Variants in N4BP1 observed in about 807,000 individuals in gnomAD.
The protein encoded by N4BP1 is NEDD4-binding protein 1.
Under a neutral mutation model 70.9 loss-of-function variants are expected in N4BP1, and 21 were observed. The ratio of observed to expected loss-of-function variants is 0.30; its 90% CI spans 0.21 to 0.43. The LOEUF is 0.43. N4BP1 is among the 20% of genes least tolerant of loss of function. N4BP1 has a pLI of 1.00. For synonymous variants in N4BP1, 387 were observed against 394.6 expected (o/e 0.98, Z 0.23); for missense variants, 936 against 1,069.4 (o/e 0.88, Z 1.74).
chr16:48,607,340 C>T (rs1331000553), intron 1 of N4BP1, among the ~76,000 whole-genome samples: 6 of 152,192 alleles, frequency 3.9e-5, no homozygotes, highest in Non-Finnish European at 5.9e-5. Context: ...GGAGGCAGAA[C>T]GCACAGCAAA....
rs75483114 is a variant in N4BP1, at chr16:48,546,040, A to C, written c.2333+107T>G. 6 of 693,006 alleles carry C rather than the reference A, an allele frequency of 8.7e-6. 1 individual carries two copies. The Middle Eastern group carries it at 1.6e-3, about 181-fold the overall frequency. The allele number at this position is 693,006 out of a possible 1,614,324, so 42.9% of individuals were successfully genotyped here. ...AAGACCTTGTCTCAAAAAAAAAAAAAATAATTTTTTTAATGTCATTTTTAG... is the reference window on the plus strand; with the variant it reads ...AAGACCTTGTCTCAAAAAAAAAAAACATAATTTTTTTAATGTCATTTTTAG... On this transcript the variant is annotated intron_variant, in intron 6 of 6. Transcript: ENST00000262384.
chr16:48,543,364 CG>C (rs1341522178), intron 6 of N4BP1, 103 bp from the exon 7 acceptor site: 1 of 943,924 alleles, frequency 1.1e-6, no homozygotes, highest in African/African-American at 1.7e-5. Flanking sequence ...CTCAGGATGC[CG>C]CTCCCTGGCT....
At chr16:48,582,887 C>T (rs947719559) in intron 1 of N4BP1, among the ~76,000 whole-genome samples, 3 of 152,078 alleles carry the variant, frequency 2.0e-5, no homozygotes. Flanking sequence ...AATTTGAGAA[C>T]AGGCTGAGCA....
Position 48,561,798 on chromosome 16 carries a change from C to T in N4BP1, c.845G>A (p.Cys282Tyr), listed in dbSNP as rs200436019. The part of the protein sequence containing the change: ...DEEALSNERI[C>Y]QKRRFSDSEE... Reference sequence around the variant, plus strand: ...AGAATCAGAAAATCTCCTTTTCTGACAAATTCTCTCATTGGAAAGTGCCTC... The same window carrying T: ...AGAATCAGAAAATCTCCTTTTCTGATAAATTCTCTCATTGGAAAGTGCCTC... The change falls in exon 2 of 7, where the codon TGT (cysteine) becomes TAT (tyrosine). Residue 282 changes from cysteine to tyrosine, a missense_variant. Transcript: ENST00000262384. 7.6e-5 allele frequency: 123 copies of T among 1,613,486 alleles called. No homozygotes were observed. Among genetic ancestry groups the T allele is most frequent in the Non-Finnish European group, 9.6e-5 (113 of 1,179,862 alleles).
intron 3 of N4BP1, among the ~76,000 whole-genome samples, chr16:48,552,190 GCCT>G (rs1197197873): frequency 6.6e-6 from 1 of 152,112 alleles, no homozygotes; most frequent in Admixed American, 6.5e-5. Context: ...CCTCCTACTG[GCCT>G]CCTATCTAAA....
intron 6 of N4BP1, among the ~76,000 whole-genome samples, chr16:48,544,065 C>G (rs74935823): frequency 6.6e-6 from 1 of 152,142 alleles, no homozygotes; most frequent in Non-Finnish European, 1.5e-5. Flanking sequence ...ACACAGGCCT[C>G]GGGCCTGAAG....
At chr16:48,606,174 G>A (rs1964579848) in intron 1 of N4BP1, among the ~76,000 whole-genome samples, 1 of 152,088 alleles carries the variant, frequency 6.6e-6, no homozygotes, top group African/African-American at 2.4e-5. Flanking sequence ...CCAGTCAATA[G>A]GTCAAACAAC....
intron 1 of N4BP1, among the ~76,000 whole-genome samples, chr16:48,607,730 A>G (rs1964605829): frequency 6.6e-6 from 1 of 152,248 alleles, no homozygotes; most frequent in African/African-American, 2.4e-5. Context: ...AGAAGTGCAG[A>G]AGATTGGATA....
chr16:48,569,825 G>A (rs1464104269), intron 1 of N4BP1, among the ~76,000 whole-genome samples: 1 of 152,208 alleles, frequency 6.6e-6, no homozygotes, highest in East Asian at 1.9e-4. Context: ...CCATGCACGT[G>A]TACCTTGGGG....
intron 1 of N4BP1, among the ~76,000 whole-genome samples, chr16:48,576,171 GA>G (rs1205388497): frequency 6.6e-6 from 1 of 151,032 alleles, no homozygotes; most frequent in African/African-American, 2.4e-5. Flanking sequence ...AAAAGCCTCA[GA>G]AAAAAAACAA....
intron 1 of N4BP1, among the ~76,000 whole-genome samples, chr16:48,598,313 T>C (rs1410165820): frequency 6.6e-6 from 1 of 152,206 alleles, no homozygotes; most frequent in Non-Finnish European, 1.5e-5. Flanking sequence ...CTCAGCTTCA[T>C]TAGGTCTTAC....
At chr16:48,573,402 G>A (rs1462288863) in intron 1 of N4BP1, among the ~76,000 whole-genome samples, 1 of 152,078 alleles carries the variant, frequency 6.6e-6, no homozygotes, top group Non-Finnish European at 1.5e-5. Context: ...GACCAGCCTG[G>A]CCAACATGGT....
chr16:48,600,170 C>T, intron 1 of N4BP1: 1 of 599,532 alleles, frequency 1.7e-6, no homozygotes, highest in Non-Finnish European at 3.1e-6. Context: ...AACATGTGTA[C>T]TGTGAAGTGT....
At chr16:48,589,074 C>A (rs1036805382) in intron 1 of N4BP1, among the ~76,000 whole-genome samples, 6 of 152,048 alleles carry the variant, frequency 3.9e-5, no homozygotes, top group African/African-American at 1.4e-4. Flanking sequence ...GATTTTTGTC[C>A]AGTATAGATA....
chr16:48,591,616 A>G (rs1029570062), intron 1 of N4BP1, among the ~76,000 whole-genome samples: 3 of 143,156 alleles, frequency 2.1e-5, no homozygotes, highest in African/African-American at 8.0e-5. Flanking sequence ...AAGCTCTATT[A>G]TTTTAAAAGG....
In N4BP1 at chr16:48,541,694, A is replaced by G. The variant is rs1438832871; in HGVS notation, c.*1210T>C. ...ACAAAGCCCTTTGAAGGTCCAGACA[A>G]TAAGAGTAAAGATGTTAAGATTGCC... is the stretch of plus-strand genomic sequence containing the variant. On this transcript the variant is annotated 3_prime_UTR_variant, in exon 7 of 7. Transcript: ENST00000262384. 2.6e-5 allele frequency: 4 copies of G among 152,552 alleles called. No homozygotes were observed. The highest frequency in any genetic ancestry group is 2.0e-4 in the Admixed American group (3 of 15,288). The allele number at this position is 152,552 out of a possible 1,614,324, so 9.4% of individuals were successfully genotyped here. A position where few individuals can be genotyped will look rare whatever the true frequency, so the allele number is the denominator to read the frequency against.
At chr16:48,547,259 A>G (rs1963603209) in intron 5 of N4BP1, among the ~76,000 whole-genome samples, 1 of 152,188 alleles carries the variant, frequency 6.6e-6, no homozygotes, top group Non-Finnish European at 1.5e-5. Flanking sequence ...TTATGTTTTA[A>G]GATTTCTGGT....
chr16:48,584,892 G>C (rs1422711430), intron 1 of N4BP1, among the ~76,000 whole-genome samples: 1 of 152,114 alleles, frequency 6.6e-6, no homozygotes, highest in Non-Finnish European at 1.5e-5. Flanking sequence ...TTTAAAAATA[G>C]ATGTCCTTTC....
intron 5 of N4BP1, among the ~76,000 whole-genome samples, chr16:48,547,556 G>A (rs1963606851): frequency 6.6e-6 from 1 of 152,216 alleles, no homozygotes; most frequent in African/African-American, 2.4e-5. Flanking sequence ...ATTAAAAAGT[G>A]GAAATATTCT....
Sources: allele counts gnomAD v4.1 joint callset (sites outside exome capture counted in the v4.1 genomes callset), GRCh38; gene constraint gnomAD v4.1.1; transcripts MANE v1.5; gene names NCBI Gene and HGNC (gene_info 2026-07-23, HGNC 2026-07-21).